Variants in CILP2 observed in about 807,000 individuals in gnomAD.
The protein encoded by CILP2 is cartilage intermediate layer protein 2.
In CILP2, 38 loss-of-function variants were observed where a neutral mutation model predicts 45.6. That is an observed-to-expected ratio of 0.83 (90% CI 0.64 to 1.09). The LOEUF (loss-of-function observed/expected upper bound fraction) is 1.09, where lower values mean the gene tolerates loss of function less well. Ranked by LOEUF, CILP2 falls within the 50% of genes least tolerant of loss-of-function variation. The pLI is 0.00. For missense variants in CILP2, 1,735 were observed against 1,662.2 expected (o/e 1.04, Z -0.76); for synonymous variants, 780 against 723.5 (o/e 1.08, Z -1.25).
Position 19,543,986 on chromosome 19 carries a change from G to C in CILP2, c.1441G>C (p.Ala481Pro). 1 of 1,613,320 alleles carries C rather than the reference G, an allele frequency of 6.2e-7. No individual in the cohort carries two copies. Among genetic ancestry groups the C allele is most frequent in the Non-Finnish European group, 8.5e-7 (1 of 1,179,772 alleles). Reference protein sequence around the residue: ...PRGLVRGRVVAADSGEPLRFA... With the variant: ...PRGLVRGRVVPADSGEPLRFA... ...GGGGCTGGTCCGGGGCCGTGTTGTGGCTGCTGACTCCGGGGAGCCGCTACG... is the reference window on the plus strand; with the variant it reads ...GGGGCTGGTCCGGGGCCGTGTTGTGCCTGCTGACTCCGGGGAGCCGCTACG... The change falls in exon 8 of 8, where the codon GCT (alanine) becomes CCT (proline). Residue 481 changes from alanine to proline, a missense_variant. Physicochemically the swap from Ala to Pro is conservative, Grantham distance 27. Transcript: ENST00000291495.
chr19:19,545,173 GC>G lies in CILP2; in HGVS notation c.2630del (p.Pro877LeufsTer16). 1 of 1,612,802 alleles carries G rather than the reference GC, an allele frequency of 6.2e-7. No individual in the cohort carries two copies. Among genetic ancestry groups the G allele is most frequent in the Non-Finnish European group, 8.5e-7 (1 of 1,179,890 alleles). ...RPGDPAEANG[P>X]VYPWRSLREC... Reference sequence around the variant, plus strand: ...CAGGTGACCCCGCCGAGGCCAATGGGCCTGTGTACCCGTGGCGCAGCCTGCG... The same window carrying G: ...CAGGTGACCCCGCCGAGGCCAATGGGCTGTGTACCCGTGGCGCAGCCTGCG... On this transcript the variant is annotated frameshift_variant, in exon 8 of 8. Coordinates refer to ENST00000291495, the MANE Select transcript of CILP2 (RefSeq NM_153221.2). LOFTEE classifies it low-confidence loss of function (END_TRUNC).
At chr19:19,540,977 T>G in intron 3 of CILP2, 114 bp from the exon 4 acceptor site, 1 of 994,798 alleles carries the variant, frequency 1.0e-6, no homozygotes, top group Non-Finnish European at 1.3e-6. Context: ...GTGTCCGCCC[T>G]TGGATGCACA....
At position 19,540,303 on chromosome 19, in the gene CILP2, G is replaced by T; in HGVS notation, c.263G>T (p.Arg88Leu). Residue 88 changes from arginine (R) to leucine (L), a missense_variant, in exon 3 of 8, where the codon CGC becomes CTC. Coordinates refer to ENST00000291495, the MANE Select transcript of CILP2 (RefSeq NM_153221.2). ...AAIRFYYGPA[R>L]VCPRPLALEA... Reference sequence around the variant, plus strand: ...ATCCGCTTCTACTACGGGCCAGCGCGCGTGTGCCCGCGACCGCTGGCGCTG... The same window carrying T: ...ATCCGCTTCTACTACGGGCCAGCGCTCGTGTGCCCGCGACCGCTGGCGCTG... 2 of 1,586,948 alleles carry T rather than the reference G, an allele frequency of 1.3e-6. No individual in the cohort carries two copies. Among genetic ancestry groups the T allele is most frequent in the Non-Finnish European group, 1.7e-6 (2 of 1,171,022 alleles).
intron 2 of CILP2, 111 bp from the exon 3 acceptor site, chr19:19,540,093 C>A: frequency 7.3e-7 from 1 of 1,365,218 alleles, no homozygotes; most frequent in Admixed American, 3.0e-5. Flanking sequence ...GCGCGCTCGG[C>A]TAGCCGGTGC....
Position 19,544,935 on chromosome 19 carries a change from G to GCGACGC in CILP2, c.2395_2400dup (p.Ala799_Asp800dup). 8 of 1,592,754 alleles carry GCGACGC rather than the reference G, an allele frequency of 5.0e-6. No homozygotes were observed. The highest frequency in any genetic ancestry group is 6.8e-6 in the Non-Finnish European group (8 of 1,176,800). On this transcript the variant is annotated inframe_insertion, in exon 8 of 8. Coordinates refer to ENST00000291495, the MANE Select transcript of CILP2 (RefSeq NM_153221.2). ...AATGGCGCCTGCCTCCCCGCCTTCT[G>GCGACGC]CGACGCCGACAGGCCAGACGCCTAC...
intron 6 of CILP2, 135 bp downstream of exon 6, chr19:19,543,107 A>T: frequency 9.7e-7 from 1 of 1,034,876 alleles, no homozygotes; most frequent in South Asian, 1.5e-5. Context: ...GAGAGGGACT[A>T]CCAAGGAGGC....
rs371321120 is a variant in CILP2, at chr19:19,542,424, G to A, written c.642G>A (p.Ser214=). ...GCCCGGACCACATCCTCCTGGGCTCGGTGGTCACCCCATCTGGGCAACCAC... is the reference window on the plus strand; with the variant it reads ...GCCCGGACCACATCCTCCTGGGCTCAGTGGTCACCCCATCTGGGCAACCAC... ...CECPDHILLG[S]VVTPSGQPLL... The change falls in exon 5 of 8, where the codon TCG becomes TCA. Residue 214 remains serine, a synonymous_variant. Coordinates refer to ENST00000291495, the MANE Select transcript of CILP2 (RefSeq NM_153221.2). The A allele has an allele frequency of 1.3e-5, 21 of 1,612,074 alleles. No homozygotes were observed. The highest frequency in any genetic ancestry group is 4.5e-5 in the East Asian group (2 of 44,888).
Position 19,543,908 on chromosome 19 carries a change from C to T in CILP2, c.1363C>T (p.Leu455Phe), listed in dbSNP as rs763268845. ...RREIHCPGYV[L>F]PVKVVAECGC... ...GGAGATTCACTGCCCTGGCTACGTC[C>T]TCCCAGTGAAGGTGGTGGCAGAGTG... The change falls in exon 8 of 8, where the codon CTC (leucine) becomes TTC (phenylalanine). Residue 455 changes from leucine to phenylalanine, a missense_variant. Physicochemically the swap from Leu to Phe is conservative, Grantham distance 22 (BLOSUM62 0). Coordinates refer to ENST00000291495, the MANE Select transcript of CILP2 (RefSeq NM_153221.2). The T allele has an allele frequency of 6.2e-7, 1 of 1,613,750 alleles. No homozygotes were observed. The highest frequency in any genetic ancestry group is 1.1e-5 in the South Asian group (1 of 91,068).
In CILP2 at chr19:19,541,162, C is replaced by T; in HGVS notation, c.508C>T (p.Arg170Cys). 1.6e-6 allele frequency: 2 copies of T among 1,258,540 alleles called. No homozygotes were observed. The highest frequency in any genetic ancestry group is 2.0e-6 in the Non-Finnish European group (2 of 1,001,194). 78.0% of individuals were successfully genotyped at this position (1,258,540 alleles called of 1,614,324 possible). A position where few individuals can be genotyped will look rare whatever the true frequency, so the allele number is the denominator to read the frequency against. Reference sequence around the variant, plus strand: ...CTGTGGGCCAGGCCGTCGCTTGCGCCGCCGCCACTGCCCAAGCCCCGCTGG... The same window carrying T: ...CTGTGGGCCAGGCCGTCGCTTGCGCTGCCGCCACTGCCCAAGCCCCGCTGG... ...GSCGPGRRLR[R>C]RHCPSPAGDA... Residue 170 changes from arginine to cysteine, a missense_variant, in exon 4 of 8, where the codon CGC (arginine) becomes TGC (cysteine). Arg to Cys is a radical substitution (Grantham distance 180). Coordinates refer to ENST00000291495, the MANE Select transcript of CILP2 (RefSeq NM_153221.2).
At chr19:19,543,128 C>T in intron 6 of CILP2, 120 bp from the exon 7 acceptor site, 1 of 1,146,626 alleles carries the variant, frequency 8.7e-7, no homozygotes, top group Non-Finnish European at 1.3e-6. Context: ...TGAATGGGGC[C>T]AGTCTTGCTG....
In CILP2 at chr19:19,545,913, C is replaced by G; in HGVS notation, c.3368C>G (p.Ala1123Gly). The change falls in exon 8 of 8, where the codon GCG becomes GGG. Residue 1123 changes from alanine (A) to glycine (G), a missense_variant. Coordinates refer to ENST00000291495, the MANE Select transcript of CILP2 (RefSeq NM_153221.2). ...SLFQRLLESP[A>G]TALGDIRREM... Reference sequence around the variant, plus strand: ...TTCCAGAGGCTGCTGGAGTCCCCGGCGACAGCACTTGGTGACATCCGCAGG... The same window carrying G: ...TTCCAGAGGCTGCTGGAGTCCCCGGGGACAGCACTTGGTGACATCCGCAGG... 2.5e-6 allele frequency: 4 copies of G among 1,581,638 alleles called. No individual in the cohort carries two copies. The highest frequency in any genetic ancestry group is 3.5e-6 in the Non-Finnish European group (4 of 1,158,190).
Position 19,538,410 on chromosome 19 carries a change from C to A in CILP2, c.61C>A (p.Arg21=). 1.9e-6 allele frequency: 3 copies of A among 1,546,888 alleles called. No individual in the cohort carries two copies. The highest frequency in any genetic ancestry group is 1.4e-5 in the African/African-American group (1 of 70,390). Residue 21 remains arginine (R), a synonymous_variant, in exon 1 of 8, where the codon CGA becomes AGA. Transcript: ENST00000291495. ...CVVAAHLAGA[R]DATPTEEPMA... The stretch of plus-strand genomic sequence containing the variant: ...CGTCGCTGCGCACCTGGCGGGGGCC[C>A]GAGGTGAGGCGCCTCCAGCCCCCGC...
chr19:19,544,352 G>A lies in CILP2; in HGVS notation c.1807G>A (p.Val603Met). ...CGACGGCAAACCCTACTCGGGGCCT[G>A]TGGAGGCCCGGGTGACGTTCGTGGA... is the stretch of plus-strand genomic sequence containing the variant. ...RADGKPYSGP[V>M]EARVTFVDPR... Residue 603 changes from valine to methionine, a missense_variant, in exon 8 of 8, where the codon GTG (valine) becomes ATG (methionine). Val to Met is a conservative substitution (Grantham distance 21, BLOSUM62 1). Transcript: ENST00000291495. The A allele has an allele frequency of 6.2e-7, 1 of 1,610,824 alleles. No homozygotes were observed. Among genetic ancestry groups the A allele is most frequent in the Non-Finnish European group, 8.5e-7 (1 of 1,179,366 alleles).
In CILP2 at chr19:19,545,134, C is replaced by A; in HGVS notation, c.2589C>A (p.Leu863=). ...AGCGTAACGGCTTCCGCATCAACCT[C>A]GCCAAGCCCAGGCCAGGTGACCCCG... The part of the protein sequence containing the change: ...AFKRNGFRIN[L]AKPRPGDPAE... Residue 863 remains leucine (L), a synonymous_variant, in exon 8 of 8, where the codon CTC becomes CTA. Coordinates refer to ENST00000291495, the MANE Select transcript of CILP2 (RefSeq NM_153221.2). 6.2e-7 allele frequency: 1 copy of A among 1,612,302 alleles called. No homozygotes were observed. The highest frequency in any genetic ancestry group is 1.1e-5 in the South Asian group (1 of 91,054).
chr19:19,538,297 G>T lies in CILP2; in HGVS notation c.-53G>T. ...GCGGCCGCCAGACCCGCCGGAGTTG[G>T]ACCCGAGCACGCCGCGGAGCCCGGA... On this transcript the variant is annotated 5_prime_UTR_variant, in exon 1 of 8. Transcript: ENST00000291495. 2 of 1,517,266 alleles carry T rather than the reference G, an allele frequency of 1.3e-6. No homozygotes were observed. The highest frequency in any genetic ancestry group is 1.2e-5 in the South Asian group (1 of 84,220). 94.0% of individuals were successfully genotyped at this position (1,517,266 alleles called of 1,614,324 possible). A position where few individuals can be genotyped will look rare whatever the true frequency, so the allele number is the denominator to read the frequency against.
chr19:19,543,517 C>G, intron 7 of CILP2, 112 bp downstream of exon 7: 1 of 1,405,716 alleles, frequency 7.1e-7, no homozygotes, highest in Non-Finnish European at 9.9e-7. Flanking sequence ...CAATCCTAGG[C>G]CTCCACTGAG....
rs1413321246 is a variant in CILP2, at chr19:19,545,975, TCAGGTCCC to T, written c.3432_3439del (p.Gly1145ProfsTer6). 1 of 1,525,470 alleles carries T rather than the reference TCAGGTCCC, an allele frequency of 6.6e-7. No individual in the cohort carries two copies. Among genetic ancestry groups the T allele is most frequent in the Non-Finnish European group, 8.8e-7 (1 of 1,134,590 alleles). The allele number at this position is 1,525,470 out of a possible 1,614,324, so 94.5% of individuals were successfully genotyped here. On this transcript the variant is annotated frameshift_variant, in exon 8 of 8. Transcript: ENST00000291495. LOFTEE classifies it low-confidence loss of function (END_TRUNC). ...GGCGGCGCAGGCACAGGCCCGGGCC[TCAGGTCCC>T]CTCCGCACCCGCCGGGGTAGGGTCC...
chr19:19,539,813 C>T (rs764609285), intron 2 of CILP2, 36 bp downstream of exon 2: 7 of 1,512,840 alleles, frequency 4.6e-6, no homozygotes, highest in East Asian at 2.4e-5. Flanking sequence ...GTCTCTGCTG[C>T]GGGCTTGTTG....
rs372270430 is a variant in CILP2, at chr19:19,541,094, C to A, written c.440C>A (p.Ala147Asp). ...YHVRFRCPLE[A>D]SWGAWGPWGP... The stretch of plus-strand genomic sequence containing the variant: ...TCTCCGTCCCTGCCTTCCGCAGAAG[C>A]CTCGTGGGGCGCGTGGGGCCCGTGG... Residue 147 changes from alanine to aspartate, a missense_variant, in exon 4 of 8, where the codon GCC (alanine) becomes GAC (aspartate). Ala to Asp is a moderately radical substitution (Grantham distance 126). Coordinates refer to ENST00000291495, the MANE Select transcript of CILP2 (RefSeq NM_153221.2). 11 of 1,262,838 alleles carry A rather than the reference C, an allele frequency of 8.7e-6. No individual in the cohort carries two copies. The highest frequency in any genetic ancestry group is 3.0e-4 in the Middle Eastern group (1 of 3,284). 78.2% of individuals were successfully genotyped at this position (1,262,838 alleles called of 1,614,324 possible).
Sources: allele counts gnomAD v4.1 joint callset, GRCh38; gene constraint gnomAD v4.1.1; transcripts MANE v1.5; gene names NCBI Gene and HGNC (gene_info 2026-07-23, HGNC 2026-07-21).